Variants in TWSG1 observed in about 807,000 individuals in gnomAD.
The protein encoded by TWSG1 is twisted gastrulation BMP signaling modulator 1.
TWSG1 carries 15 observed loss-of-function variants against 23.0 expected under a neutral mutation model. The ratio of observed to expected loss-of-function variants is 0.65; its 90% confidence interval spans 0.44 to 1.00. The LOEUF is 1.00. Among genes scored for constraint, TWSG1 ranks in the 50% least tolerant of loss-of-function variants. The pLI is 0.00. For synonymous variants in TWSG1, 86 were observed against 92.8 expected, an observed-to-expected ratio of 0.93 and a Z score of 0.42; for missense variants, 242 against 278.7, an observed-to-expected ratio of 0.87 and a Z score of 0.94.
At chr18:9,357,526 T>A (rs2040532478) in intron 2 of TWSG1, among the ~76,000 whole-genome samples, 1 of 152,232 alleles carries the variant, frequency 6.6e-6, no homozygotes, top group Non-Finnish European at 1.5e-5. Context: ...ATAAATATTG[T>A]GGTCTGTGTT....
At chr18:9,347,393 AG>A (rs1416617843) in intron 2 of TWSG1, among the ~76,000 whole-genome samples, 3 of 152,214 alleles carry the variant, frequency 2.0e-5, no homozygotes, top group African/African-American at 7.2e-5. Flanking sequence ...AAGATTTAAT[AG>A]GGATTGCATT....
chr18:9,383,326 T>C (rs1016055433), intron 3 of TWSG1, among the ~76,000 whole-genome samples: 4 of 151,872 alleles, frequency 2.6e-5, no homozygotes, highest in African/African-American at 9.7e-5. Context: ...CCTGAGTGGC[T>C]GAAATTACAG....
chr18:9,337,608 T>C (rs1250145309), intron 2 of TWSG1, among the ~76,000 whole-genome samples: 1 of 152,190 alleles, frequency 6.6e-6, no homozygotes, highest in Non-Finnish European at 1.5e-5. Flanking sequence ...TACAAGGTGA[T>C]GAGCACTCTA....
chr18:9,348,856 G>T (rs2040488943), intron 2 of TWSG1, among the ~76,000 whole-genome samples: 1 of 152,074 alleles, frequency 6.6e-6, no homozygotes, highest in African/African-American at 2.4e-5. Context: ...GTACTATGAG[G>T]ATAAATTAGA....
chr18:9,353,190 T>C (rs1051124022), intron 2 of TWSG1, among the ~76,000 whole-genome samples: 2 of 152,190 alleles, frequency 1.3e-5, no homozygotes, highest in African/African-American at 4.8e-5. Context: ...TATATACTGA[T>C]ATTCATATAA....
intron 3 of TWSG1, among the ~76,000 whole-genome samples, chr18:9,365,764 G>A (rs2040575757): frequency 1.3e-5 from 2 of 152,184 alleles, no homozygotes; most frequent in African/African-American, 4.8e-5. Context: ...ACTTTGGGAG[G>A]CCTAAGTGGG....
At chr18:9,392,313 A>G (rs1336376173) in intron 3 of TWSG1, among the ~76,000 whole-genome samples, 1 of 152,266 alleles carries the variant, frequency 6.6e-6, no homozygotes, top group Non-Finnish European at 1.5e-5. Context: ...CAGTTTATAC[A>G]TCAGCACTTG....
intron 3 of TWSG1, among the ~76,000 whole-genome samples, chr18:9,364,908 C>G (rs1349651913): frequency 6.6e-6 from 1 of 152,176 alleles, no homozygotes; most frequent in Non-Finnish European, 1.5e-5. Flanking sequence ...GAATCCTACA[C>G]TACTACATAG....
At chr18:9,379,307 A>G (rs2040645502) in intron 3 of TWSG1, among the ~76,000 whole-genome samples, 1 of 152,228 alleles carries the variant, frequency 6.6e-6, no homozygotes, top group African/African-American at 2.4e-5. Flanking sequence ...AGAGTGGTAC[A>G]TACACACCAT....
intron 3 of TWSG1, among the ~76,000 whole-genome samples, chr18:9,384,016 A>T (rs889069653): frequency 7.2e-5 from 11 of 152,218 alleles, no homozygotes; most frequent in Non-Finnish European, 1.3e-4. Flanking sequence ...TTCTAAAGAG[A>T]ATAGAAGACA....
intron 2 of TWSG1, among the ~76,000 whole-genome samples, chr18:9,343,568 T>C (rs147072871): frequency 2.0e-5 from 3 of 152,254 alleles, no homozygotes; most frequent in African/African-American, 7.2e-5. Flanking sequence ...CCATACCCTT[T>C]AGAAGTCATT....
chr18:9,350,549 C>T (rs1352094036), intron 2 of TWSG1, among the ~76,000 whole-genome samples: 2 of 152,218 alleles, frequency 1.3e-5, no homozygotes, highest in Admixed American at 1.3e-4. Flanking sequence ...TAAAGAAATT[C>T]ACTGGGGGAC....
chr18:9,335,977 T>C (rs1487346582), intron 1 of TWSG1, among the ~76,000 whole-genome samples: 1 of 152,212 alleles, frequency 6.6e-6, no homozygotes, highest in East Asian at 1.9e-4. Flanking sequence ...ATTTAAAGTT[T>C]AATAACTGTA....
chr18:9,365,210 C>T (rs2040572299), intron 3 of TWSG1, among the ~76,000 whole-genome samples: 1 of 152,048 alleles, frequency 6.6e-6, no homozygotes, highest in South Asian at 2.1e-4. Flanking sequence ...ATGGTCCCAG[C>T]TACTTGGGAG....
chr18:9,367,364 C>T (rs1205062032), intron 3 of TWSG1, among the ~76,000 whole-genome samples: 2 of 152,192 alleles, frequency 1.3e-5, no homozygotes, highest in Admixed American at 6.5e-5. Context: ...TTCCTCAGCT[C>T]CTGGTAACCA....
intron 3 of TWSG1, among the ~76,000 whole-genome samples, chr18:9,394,793 CA>C (rs1396741503): frequency 6.6e-6 from 1 of 152,158 alleles, no homozygotes; most frequent in African/African-American, 2.4e-5. Flanking sequence ...CGCACGCACA[CA>C]CATGATCATT....
intron 3 of TWSG1, among the ~76,000 whole-genome samples, chr18:9,392,883 A>G (rs1568040331): frequency 1.3e-5 from 2 of 152,174 alleles, no homozygotes; most frequent in African/African-American, 4.8e-5. Flanking sequence ...AAGGAGGCCA[A>G]AAGAGAGGGA....
At chr18:9,358,240 TG>T (rs201128515) in intron 2 of TWSG1, among the ~76,000 whole-genome samples, 3 of 151,826 alleles carry the variant, frequency 2.0e-5, no homozygotes, top group African/African-American at 7.3e-5. Context: ...AAAGTAGGAA[TG>T]GGGGGGCCAC....
chr18:9,339,180 G>T (rs1247265816), intron 2 of TWSG1, among the ~76,000 whole-genome samples: 1 of 150,900 alleles, frequency 6.6e-6, no homozygotes, highest in Non-Finnish European at 1.5e-5. Context: ...ACTGAAGCCT[G>T]GGTGACAGAG....
Sources: gnomAD v4.1 joint callset for allele counts (sites outside exome capture counted in the v4.1 genomes callset) on GRCh38, gnomAD v4.1.1 for gene constraint, MANE v1.5 for transcripts, NCBI Gene and HGNC (gene_info 2026-07-23, HGNC 2026-07-21) for gene names.